Variants in FARS2 observed in about 807,000 individuals in gnomAD.
FARS2 encodes the protein phenylalanine--tRNA ligase, mitochondrial.
In FARS2, 40 loss-of-function variants were observed where a neutral mutation model predicts 46.4. The ratio of observed to expected loss-of-function variants is 0.86; its 90% CI spans 0.67 to 1.12. FARS2 has a LOEUF of 1.12. Ranked by LOEUF, FARS2 falls within the 50% of genes most tolerant of loss-of-function variation. FARS2 has a pLI of 0.00. For synonymous variants in FARS2, 234 were observed against 214.9 expected (o/e 1.09, Z -0.78); for missense variants, 513 against 567.9 (o/e 0.90, Z 0.98).
At chr6:5,633,089 T>C (rs1388750997) in intron 6 of FARS2, among the ~76,000 whole-genome samples, 1 of 151,904 alleles carries the variant, frequency 6.6e-6, no homozygotes, top group Admixed American at 6.6e-5. Flanking sequence ...AAGAAAGATA[T>C]AAGGAGTAAA....
intron 6 of FARS2, among the ~76,000 whole-genome samples, chr6:5,742,691 T>C (rs751779744): frequency 6.6e-6 from 1 of 152,014 alleles, no homozygotes; most frequent in South Asian, 2.1e-4. Context: ...CTCTTGCTTT[T>C]TGAGTGTCTG....
intron 3 of FARS2, among the ~76,000 whole-genome samples, chr6:5,406,086 G>C (rs1294939886): frequency 6.6e-6 from 1 of 152,008 alleles, no homozygotes; most frequent in Non-Finnish European, 1.5e-5. Context: ...TAAAGAGAAG[G>C]TTAGTGGATT....
chr6:5,686,342 T>G (rs4959348), intron 6 of FARS2, among the ~76,000 whole-genome samples: 4 of 148,054 alleles, frequency 2.7e-5, no homozygotes, highest in East Asian at 2.0e-4. Context: ...CCTAATGCTC[T>G]CCCCCCCCGC....
chr6:5,313,535 A>T (rs1320729004), intron 1 of FARS2, among the ~76,000 whole-genome samples: 1 of 152,120 alleles, frequency 6.6e-6, no homozygotes, highest in Non-Finnish European at 1.5e-5. Context: ...CTTCATATGG[A>T]TTTCTCCAGT....
At chr6:5,601,317 T>A (rs1210718930) in intron 5 of FARS2, among the ~76,000 whole-genome samples, 4 of 148,844 alleles carry the variant, frequency 2.7e-5, no homozygotes, top group Non-Finnish European at 4.5e-5. Context: ...AGGTCGGGAG[T>A]TCGAGACCAG....
At chr6:5,443,534 G>GTT (rs201861133) in intron 4 of FARS2, among the ~76,000 whole-genome samples, 1 of 152,170 alleles carries the variant, frequency 6.6e-6, no homozygotes, top group African/African-American at 2.4e-5. Context: ...CTTGGCAGTT[G>GTT]TTTTTTTGCC....
chr6:5,343,877 G>A lies in FARS2; in HGVS notation c.-21-24673G>A, dbSNP rs896879654. Among the ~76,000 whole-genome samples the A allele has an allele frequency of 1.3e-5, 2 of 152,156 alleles. No individual in the cohort carries two copies. Among genetic ancestry groups the A allele is most frequent in the Non-Finnish European group, 2.9e-5 (2 of 68,016 alleles). On this transcript the variant is annotated intron_variant, in intron 1 of 6. Coordinates refer to ENST00000274680, the MANE Select transcript of FARS2 (RefSeq NM_006567.5). The surrounding 1 kb of genome is among the most constrained non-coding windows in gnomAD (Gnocchi z 4.5). ...GTTTACCTCCCCAGTCCCTTTAAAAGATAAAAACAAATTAGCTCAAATTCT... is the reference window on the plus strand; with the variant it reads ...GTTTACCTCCCCAGTCCCTTTAAAAAATAAAAACAAATTAGCTCAAATTCT...
chr6:5,770,664 C>G (rs1426850448), intron 6 of FARS2, among the ~76,000 whole-genome samples: 3 of 152,224 alleles, frequency 2.0e-5, no homozygotes, highest in Non-Finnish European at 4.4e-5. Flanking sequence ...CTGCTGTCAT[C>G]TCCACGTATT....
At chr6:5,627,881 T>C (rs1273671227) in intron 6 of FARS2, among the ~76,000 whole-genome samples, 1 of 152,184 alleles carries the variant, frequency 6.6e-6, no homozygotes, top group Non-Finnish European at 1.5e-5. Context: ...TACTATCCAT[T>C]ATGATGATTT....
chr6:5,436,559 A>G (rs1763531833), intron 4 of FARS2, among the ~76,000 whole-genome samples: 1 of 152,258 alleles, frequency 6.6e-6, no homozygotes, highest in Non-Finnish European at 1.5e-5. Context: ...AGATAAGATT[A>G]TATCGTTAGA....
chr6:5,268,011 G>T (rs541566950), intron 1 of FARS2, among the ~76,000 whole-genome samples: 1 of 151,982 alleles, frequency 6.6e-6, no homozygotes, highest in Non-Finnish European at 1.5e-5. Context: ...CTTTTGAGAA[G>T]TGTCTGTTCA....
At chr6:5,333,730 C>T (rs1770958656) in intron 1 of FARS2, among the ~76,000 whole-genome samples, 1 of 152,180 alleles carries the variant, frequency 6.6e-6, no homozygotes. Flanking sequence ...TCTTGTTTGA[C>T]TGGCCTGTTT....
chr6:5,560,306 C>CT (rs1382030023), intron 5 of FARS2, among the ~76,000 whole-genome samples: 1 of 152,048 alleles, frequency 6.6e-6, no homozygotes, highest in African/African-American at 2.4e-5. Context: ...TTAAATCTGT[C>CT]TATATATTTC....
intron 4 of FARS2, among the ~76,000 whole-genome samples, chr6:5,433,991 T>C (rs907662666): frequency 6.6e-6 from 1 of 152,192 alleles, no homozygotes; most frequent in African/African-American, 2.4e-5. Flanking sequence ...CGTTAGATAT[T>C]CTTGAATGGA....
intron 1 of FARS2, among the ~76,000 whole-genome samples, chr6:5,306,839 A>G (rs1158942070): frequency 2.0e-5 from 3 of 152,158 alleles, no homozygotes; most frequent in Non-Finnish European, 4.4e-5. Flanking sequence ...CTGTTGATAA[A>G]TATTTTCCTA....
intron 3 of FARS2, among the ~76,000 whole-genome samples, chr6:5,424,739 G>A (rs1762753148): frequency 6.6e-6 from 1 of 152,184 alleles, no homozygotes; most frequent in South Asian, 2.1e-4. Context: ...TCCTGTTATA[G>A]TATTTTGATT....
intron 5 of FARS2, among the ~76,000 whole-genome samples, chr6:5,612,241 T>A (rs2150671182): frequency 6.6e-6 from 1 of 152,388 alleles, no homozygotes. Flanking sequence ...AGCTTTATAC[T>A]TTCTCTGATC....
chr6:5,399,387 G>T (rs1001966038), intron 2 of FARS2, among the ~76,000 whole-genome samples: 35 of 152,076 alleles, frequency 2.3e-4, no homozygotes, highest in Non-Finnish European at 3.2e-4. Flanking sequence ...TGTTGGCCAG[G>T]CTGGTCTTGA....
At chr6:5,517,301 T>C (rs1453945141) in intron 4 of FARS2, among the ~76,000 whole-genome samples, 1 of 152,304 alleles carries the variant, frequency 6.6e-6, no homozygotes, top group African/African-American at 2.4e-5. Flanking sequence ...CCAACAGATA[T>C]GTGCTTTAAG....
Sources: allele counts gnomAD v4.1 joint callset (sites outside exome capture counted in the v4.1 genomes callset), GRCh38; gene constraint gnomAD v4.1.1; non-coding constraint Gnocchi (gnomAD v3.1); transcripts MANE v1.5; gene names NCBI Gene and HGNC (gene_info 2026-07-23, HGNC 2026-07-21).